Variants in STAT4 observed in about 807,000 individuals in gnomAD.
STAT4 encodes signal transducer and activator of transcription 4.
STAT4 carries 42 observed loss-of-function variants against 110.5 expected under a neutral mutation model. The observed-to-expected ratio is 0.38, with a 90% CI of 0.30 to 0.49. The LOEUF is 0.49. Ranked by LOEUF, STAT4 falls within the 20% of genes least tolerant of loss-of-function variation. STAT4 has a pLI of 0.95. For missense variants in STAT4, 632 were observed against 887.9 expected (o/e 0.71, Z 3.66); for synonymous variants, 284 against 302.2 (o/e 0.94, Z 0.63).
rs1484598481 is a variant in STAT4 at position 191,042,478 on chromosome 2, T to G, written c.1252-1330A>C. Among the ~76,000 whole-genome samples, 1 of 152,204 alleles carries G rather than the reference T, an allele frequency of 6.6e-6. No homozygotes were observed. The highest frequency in any genetic ancestry group is 1.9e-4 in the East Asian group (1 of 5,194). On this transcript the variant is annotated intron_variant, in intron 14 of 23. Transcript: ENST00000392320. The surrounding 1 kb of genome is among the most constrained non-coding windows in gnomAD (Gnocchi z 4.2). ...TAGATACTGATTTGAACAAACCAAC[T>G]GTCAAATGGCCTTTTTTGAGACAAT...
intron 3 of STAT4, among the ~76,000 whole-genome samples, chr2:191,119,955 A>T (rs1429658704): frequency 1.3e-5 from 2 of 152,182 alleles, no homozygotes; most frequent in African/African-American, 2.4e-5. Flanking sequence ...AACCACATGG[A>T]TCACTTATTA....
At position 191,034,145 on chromosome 2, in the gene STAT4, T is replaced by A. The variant is rs190501057; in HGVS notation, c.1621-140A>T. 4.6e-5 allele frequency: 32 copies of A among 689,704 alleles called. No individual in the cohort carries two copies. In the East Asian group the frequency reaches 6.7e-4, roughly 15 times the overall value. The allele number at this position is 689,704 out of a possible 1,614,324, so 42.7% of individuals were successfully genotyped here. A position where few individuals can be genotyped will look rare whatever the true frequency, so the allele number is the denominator to read the frequency against. On this transcript the variant is annotated intron_variant, in intron 18 of 23. Coordinates refer to ENST00000392320, the MANE Select transcript of STAT4 (RefSeq NM_003151.4). ...ATTTCTTTAAAAAATATTCTTGGCCTGGTGTGGTGGCTCATGCCTGTAATC... is the reference window on the plus strand; with the variant it reads ...ATTTCTTTAAAAAATATTCTTGGCCAGGTGTGGTGGCTCATGCCTGTAATC...
chr2:191,112,318 A>T lies in STAT4; in HGVS notation c.273+34295T>A, dbSNP rs547045654. 1.1e-3 allele frequency among the ~76,000 whole-genome samples: 169 copies of T among 152,340 alleles called. No homozygotes were observed. Among genetic ancestry groups the T allele is most frequent in the African/African-American group, 3.8e-3 (157 of 41,580 alleles). On this transcript the variant is annotated intron_variant, in intron 3 of 23. Coordinates refer to ENST00000392320, the MANE Select transcript of STAT4 (RefSeq NM_003151.4). This position sits in a 1 kb window ranked among gnomAD's most constrained non-coding sequence, Gnocchi z 4.3. ...TTTCCTAGCTATGTGACCTTGGGCA[A>T]CAGCGTGACCTTTCCAAGCCTCAGT...
chr2:191,096,788 C>T (rs1344491225), intron 3 of STAT4, among the ~76,000 whole-genome samples: 3 of 151,912 alleles, frequency 2.0e-5, no homozygotes, highest in South Asian at 2.1e-4. Context: ...GGCAAGATAA[C>T]GAAATTAAGG....
At chr2:191,065,054 G>A in intron 7 of STAT4, 96 bp from the exon 8 acceptor site, 1 of 1,330,818 alleles carries the variant, frequency 7.5e-7, no homozygotes, top group Non-Finnish European at 9.9e-7. Context: ...ACAAAGGCTT[G>A]GTTAAAATTT....
At chr2:191,049,783 G>A (rs1696467906) in intron 14 of STAT4, among the ~76,000 whole-genome samples, 1 of 152,188 alleles carries the variant, frequency 6.6e-6, no homozygotes, top group Non-Finnish European at 1.5e-5. Context: ...AGAATCAGAA[G>A]AGAGGAATGT....
chr2:191,114,854 T>C (rs1323299547), intron 3 of STAT4, among the ~76,000 whole-genome samples: 2 of 152,162 alleles, frequency 1.3e-5, no homozygotes, highest in East Asian at 1.9e-4. Context: ...CATAATGTAT[T>C]GTTGAAGCAG....
rs367834632 is a variant in STAT4 at position 191,123,231 on chromosome 2, G to T, written c.273+23382C>A. 3.3e-4 allele frequency among the ~76,000 whole-genome samples: 50 copies of T among 152,258 alleles called. 1 individual carries two copies. The highest frequency in any genetic ancestry group is 5.7e-4 in the Non-Finnish European group (39 of 68,016). ...AACTTCAAGATCTTCTGTATTCCTG[G>T]AGTCCAGAGTGTCAGAGCTCCTGAC... On this transcript the variant is annotated intron_variant, in intron 3 of 23. Coordinates refer to ENST00000392320, the MANE Select transcript of STAT4 (RefSeq NM_003151.4).
At position 191,143,826 on chromosome 2, in the gene STAT4, C is replaced by A. The variant is rs918489245; in HGVS notation, c.273+2787G>T. 6.6e-6 allele frequency among the ~76,000 whole-genome samples: 1 copy of A among 151,242 alleles called. No individual in the cohort carries two copies. Among genetic ancestry groups the A allele is most frequent in the African/African-American group, 2.4e-5 (1 of 41,068 alleles). On this transcript the variant is annotated intron_variant, in intron 3 of 23. Coordinates refer to ENST00000392320, the MANE Select transcript of STAT4 (RefSeq NM_003151.4). The surrounding 1 kb of genome is among the most constrained non-coding windows in gnomAD (Gnocchi z 5.6). ...TTCTTTTTTGTGGGGAAGAGAGGAT[C>A]TTATTTTTTAAAAAAGACTCATCAT...
chr2:191,115,542 G>C (rs1698548293), intron 3 of STAT4, among the ~76,000 whole-genome samples: 1 of 152,168 alleles, frequency 6.6e-6, no homozygotes, highest in Admixed American at 6.6e-5. Context: ...GAACTCTACT[G>C]TTTTGAAAAC....
intron 1 of STAT4, among the ~76,000 whole-genome samples, chr2:191,149,276 T>G (rs1699533459): frequency 6.6e-6 from 1 of 152,224 alleles, no homozygotes. Flanking sequence ...ATATTTCATA[T>G]ACATATTCTT....
rs1226382669 is a variant in STAT4 at position 191,077,183 on chromosome 2, C to G, written c.274-858G>C. Among the ~76,000 whole-genome samples, 3 of 152,160 alleles carry G rather than the reference C, an allele frequency of 2.0e-5. No homozygotes were observed. Among genetic ancestry groups the G allele is most frequent in the African/African-American group, 4.8e-5 (2 of 41,426 alleles). On this transcript the variant is annotated intron_variant, in intron 3 of 23. Coordinates refer to ENST00000392320, the MANE Select transcript of STAT4 (RefSeq NM_003151.4). The surrounding 1 kb of genome is among the most constrained non-coding windows in gnomAD (Gnocchi z 4.1). The stretch of plus-strand genomic sequence containing the variant: ...GATGCAGATACTGTAAATTGGCAGC[C>G]TGTGGGCCTAATTCAGCCATCAGTT...
chr2:191,100,335 G>A lies in STAT4; in HGVS notation c.274-24010C>T, dbSNP rs537459743. Among the ~76,000 whole-genome samples the A allele has an allele frequency of 4.6e-4, 70 of 152,242 alleles. 1 individual carries two copies. Among genetic ancestry groups the A allele is most frequent in the Non-Finnish European group, 8.5e-4 (58 of 68,016 alleles). On this transcript the variant is annotated intron_variant, in intron 3 of 23. Transcript: ENST00000392320. ...GATTGCTAATAGCTCATAAACAATAGGTTAGCGCCTAAATGACCCGTAAGT... is the reference window on the plus strand; with the variant it reads ...GATTGCTAATAGCTCATAAACAATAAGTTAGCGCCTAAATGACCCGTAAGT...
Position 191,031,063 on chromosome 2 carries a change from T to C in STAT4, c.2129A>G (p.Glu710Gly), listed in dbSNP as rs1195317909. The C allele has an allele frequency of 6.2e-7, 1 of 1,613,984 alleles. No individual in the cohort carries two copies. The highest frequency in any genetic ancestry group is 1.1e-5 in the South Asian group (1 of 91,082). Residue 710 changes from glutamate (E) to glycine (G), a missense_variant, in exon 23 of 24, where the codon GAG (glutamate) becomes GGG (glycine). By Grantham distance (98) the Glu-to-Gly change is moderately conservative. Around this residue, in one of 4 missense-constraint regions of STAT4, gnomAD observed 32 missense variants for 67.6 expected, o/e 0.47. Transcript: ENST00000392320. The surrounding 1 kb of genome is among the most constrained non-coding windows in gnomAD (Gnocchi z 4.8). ...AAGAAGGTCTGATGGAGAATGTGGC[T>C]CTGTTGAATCACTTCGGCTTAAAGA... ...PISTIRSDST[E>G]PHSPSDLLPM...
At position 191,073,107 on chromosome 2, in the gene STAT4, G is replaced by A. The variant is rs938231505; in HGVS notation, c.456C>T (p.Asn152=). The change falls in exon 5 of 24, where the codon AAC becomes AAT. Residue 152 remains asparagine (N), a synonymous_variant. Coordinates refer to ENST00000392320, the MANE Select transcript of STAT4 (RefSeq NM_003151.4). ...GTATAAAAGCACTTACCTGCACACT[G>A]TTTTTAATGGCAGCCACTTTGTGCT... ...NVEHKVAAIK[N]SVQMTEQDTK... is the part of the protein sequence containing the mutation. 3 of 1,613,920 alleles carry A rather than the reference G, an allele frequency of 1.9e-6. No homozygotes were observed. The highest frequency in any genetic ancestry group is 2.5e-6 in the Non-Finnish European group (3 of 1,179,856).
intron 3 of STAT4, among the ~76,000 whole-genome samples, chr2:191,094,385 T>G (rs1037677672): frequency 1.4e-4 from 22 of 152,150 alleles, no homozygotes; most frequent in African/African-American, 4.6e-4. Flanking sequence ...ACTAACAGCG[T>G]ATCTCTCAGC....
At chr2:191,148,011 A>G in intron 2 of STAT4, 65 bp downstream of exon 2, 2 of 1,596,520 alleles carry the variant, frequency 1.3e-6, no homozygotes, top group Non-Finnish European at 1.7e-6. Context: ...CATAAAATAA[A>G]TTCACATGGA....
Position 191,030,081 on chromosome 2 carries a change from G to T in STAT4, c.2221-215C>A, listed in dbSNP as rs551479326. ...TCAAGGAGACAGAAAAGTGTTTTAAGAAAAAGGCCTGTTTATCCACCAAAA... is the reference window on the plus strand; with the variant it reads ...TCAAGGAGACAGAAAAGTGTTTTAATAAAAAGGCCTGTTTATCCACCAAAA... On this transcript the variant is annotated intron_variant, in intron 23 of 23. Transcript: ENST00000392320. This position sits in a 1 kb window ranked among gnomAD's most constrained non-coding sequence, Gnocchi z 4.4. Among the ~76,000 whole-genome samples, 1 of 152,260 alleles carries T rather than the reference G, an allele frequency of 6.6e-6. No homozygotes were observed. Among genetic ancestry groups the T allele is most frequent in the African/African-American group, 2.4e-5 (1 of 41,542 alleles).
intron 3 of STAT4, among the ~76,000 whole-genome samples, chr2:191,114,915 T>A (rs1698532467): frequency 6.6e-6 from 1 of 152,224 alleles, no homozygotes; most frequent in Non-Finnish European, 1.5e-5. Flanking sequence ...GACTTTTATG[T>A]GTTGTCATTA....
Sources: allele counts gnomAD v4.1 joint callset (sites outside exome capture counted in the v4.1 genomes callset), GRCh38; gene constraint gnomAD v4.1.1; regional missense constraint gnomAD v4.1.1; non-coding constraint Gnocchi (gnomAD v3.1); transcripts MANE v1.5; gene names NCBI Gene and HGNC (gene_info 2026-07-23, HGNC 2026-07-21).